Variants in CDV3 observed in about 807,000 individuals in gnomAD.
The protein encoded by CDV3 is CDV3 homolog, also known as protein CDV3 homolog.
Under a neutral mutation model 24.5 loss-of-function variants are expected in CDV3, and 14 were observed. The ratio of observed to expected loss-of-function variants is 0.57; its 90% confidence interval spans 0.38 to 0.89. The LOEUF (loss-of-function observed/expected upper bound fraction) is 0.89, where lower values mean the gene tolerates loss of function less well. CDV3 is among the 40% of genes least tolerant of loss of function. The pLI is 0.00. For synonymous variants in CDV3, 114 were observed against 114.1 expected (o/e 1.00, Z 0.00); for missense variants, 304 against 310.2 (o/e 0.98, Z 0.15).
chr3:133,586,780 G>C (rs1576660018), intron 4 of CDV3, 58 bp downstream of exon 4: 2 of 1,036,206 alleles, frequency 1.9e-6, no homozygotes. Flanking sequence ...GCCAGGGAGT[G>C]GGATATAGGG....
chr3:133,580,460 T>G (rs932223820), intron 2 of CDV3, among the ~76,000 whole-genome samples: 2 of 152,236 alleles, frequency 1.3e-5, no homozygotes, highest in Non-Finnish European at 2.9e-5. Context: ...CTCAGTACTC[T>G]GGGAGGCTGA....
intron 2 of CDV3, among the ~76,000 whole-genome samples, chr3:133,576,295 C>G (rs1229787206): frequency 1.3e-5 from 2 of 152,194 alleles, no homozygotes; most frequent in Admixed American, 1.3e-4. Context: ...AGTGATTAGA[C>G]TTGAGTTTGA....
Position 133,575,134 on chromosome 3 carries a change from T to C in CDV3, c.317+19T>C. On this transcript the variant is annotated intron_variant, in intron 2 of 4. Transcript: ENST00000264993. Reference sequence around the variant, plus strand: ...AAATAAGGTATAGTCTGGTTACAAATGTGTTTAGATAACCTTTGGGATAGA... The same window carrying C: ...AAATAAGGTATAGTCTGGTTACAAACGTGTTTAGATAACCTTTGGGATAGA... The C allele has an allele frequency of 7.4e-7, 1 of 1,342,452 alleles. No individual in the cohort carries two copies. The highest frequency in any genetic ancestry group is 1.1e-6 in the Non-Finnish European group (1 of 933,534). 83.2% of individuals were successfully genotyped at this position (1,342,452 alleles called of 1,614,324 possible).
chr3:133,578,095 T>A (rs1383303713), intron 2 of CDV3, among the ~76,000 whole-genome samples: 1 of 152,162 alleles, frequency 6.6e-6, no homozygotes, highest in Non-Finnish European at 1.5e-5. Context: ...GCTCAAGTGA[T>A]CCTCCCACCT....
intron 2 of CDV3, among the ~76,000 whole-genome samples, chr3:133,579,558 C>A (rs1199945234): frequency 6.6e-6 from 1 of 151,880 alleles, no homozygotes; most frequent in Non-Finnish European, 1.5e-5. Context: ...GCTTCAATTC[C>A]TTCAATTGTT....
At chr3:133,585,500 CT>C (rs749889546) in intron 3 of CDV3, among the ~76,000 whole-genome samples, 20 of 136,764 alleles carry the variant, frequency 1.5e-4, no homozygotes, top group Non-Finnish European at 9.4e-5. Context: ...TTTTCTTTTT[CT>C]TTTTTTTTTT....
chr3:133,576,864 T>TTTTTTTTTTTTTTTA (rs869170539), intron 2 of CDV3, among the ~76,000 whole-genome samples: 3 of 139,966 alleles, frequency 2.1e-5, no homozygotes, highest in Non-Finnish European at 3.1e-5. Context: ...TTTTTTTTTT[T>TTTTTTTTTTTTTTTA]GAGACGAAGT....
chr3:133,574,471 C>T (rs2074724011), intron 1 of CDV3, 187 bp downstream of exon 1: 1 of 986,476 alleles, frequency 1.0e-6, no homozygotes, highest in Non-Finnish European at 1.2e-6. Flanking sequence ...CTTCCGATAT[C>T]CGCGGTGGAG....
Position 133,588,527 on chromosome 3 carries a change from G to A in CDV3, c.*481G>A, listed in dbSNP as rs2107748892. The stretch of plus-strand genomic sequence containing the variant: ...CCTGCATAAAAAGTCAGCCATCTGG[G>A]TTCTGATCTGCTGTAAAAGATGAAG... On this transcript the variant is annotated 3_prime_UTR_variant, in exon 5 of 5. Transcript: ENST00000264993. The A allele has an allele frequency of 7.1e-6, 5 of 702,664 alleles. No homozygotes were observed. Among genetic ancestry groups the A allele is most frequent in the East Asian group, 2.7e-5 (1 of 37,010 alleles). The allele number at this position is 702,664 out of a possible 1,614,324, so 43.5% of individuals were successfully genotyped here. A position where few individuals can be genotyped will look rare whatever the true frequency, so the allele number is the denominator to read the frequency against.
At chr3:133,587,018 T>G in intron 4 of CDV3, 1 of 494,934 alleles carries the variant, frequency 2.0e-6, no homozygotes, top group South Asian at 5.4e-5. Context: ...TAAAATTCTT[T>G]TATAATTAAG....
chr3:133,584,937 T>G (rs571025619), intron 3 of CDV3, among the ~76,000 whole-genome samples: 27 of 152,330 alleles, frequency 1.8e-4, no homozygotes, highest in African/African-American at 6.0e-4. Flanking sequence ...AATGAAAGTT[T>G]AAGAGCACTA....
chr3:133,574,857 A>G (rs2074742801), intron 1 of CDV3, 182 bp from the exon 2 acceptor site: 5 of 734,706 alleles, frequency 6.8e-6, no homozygotes, highest in Admixed American at 3.6e-5. Flanking sequence ...GTGTTAGCCT[A>G]CGAGCATGTT....
In CDV3 at chr3:133,573,903, G is replaced by C. The variant is rs561646187; in HGVS notation, c.-142G>C. 1.9e-5 allele frequency: 10 copies of C among 540,054 alleles called. No individual in the cohort carries two copies. Among genetic ancestry groups the C allele is most frequent in the Non-Finnish European group, 2.4e-5 (10 of 423,380 alleles). The allele number at this position is 540,054 out of a possible 1,614,324, so 33.5% of individuals were successfully genotyped here. ...CAGGGGGAGCCGCCCGTCTCGCCGC[G>C]CACGCCTCGGCGACCCCGCGGGGCT... On this transcript the variant is annotated 5_prime_UTR_variant, in exon 1 of 5. Transcript: ENST00000264993.
At chr3:133,587,318 C>G (rs375680905) in intron 4 of CDV3, 2 of 1,255,150 alleles carry the variant, frequency 1.6e-6, no homozygotes, top group East Asian at 6.3e-5. Flanking sequence ...TAGAATAAAT[C>G]CCAGCCTTTT....
intron 2 of CDV3, among the ~76,000 whole-genome samples, chr3:133,575,490 A>T (rs2074770527): frequency 6.6e-6 from 1 of 152,224 alleles, no homozygotes; most frequent in Non-Finnish European, 1.5e-5. Flanking sequence ...TAAGCAAGTG[A>T]ATATATGTTT....
At chr3:133,574,365 C>T (rs909524673) in intron 1 of CDV3, 81 bp downstream of exon 1, 2 of 917,556 alleles carry the variant, frequency 2.2e-6, no homozygotes, top group Non-Finnish European at 2.6e-6. Flanking sequence ...GCCGGGGAAG[C>T]GTCCGGGAGG....
chr3:133,574,043 C>A lies in CDV3; in HGVS notation c.-2C>A. The stretch of plus-strand genomic sequence containing the variant: ...CCCATCCGGGTCGAGGAGGCCGAGG[C>A]CATGGCTGAGACGGAGGAGCGGAGC... On this transcript the variant is annotated 5_prime_UTR_variant, in exon 1 of 5. Coordinates refer to ENST00000264993, the MANE Select transcript of CDV3 (RefSeq NM_017548.5). 1.7e-6 allele frequency: 2 copies of A among 1,193,148 alleles called. No individual in the cohort carries two copies. Among genetic ancestry groups the A allele is most frequent in the Non-Finnish European group, 2.1e-6 (2 of 940,312 alleles). The allele number at this position is 1,193,148 out of a possible 1,614,324, so 73.9% of individuals were successfully genotyped here.
chr3:133,575,187 G>T (rs1310978336), intron 2 of CDV3, 72 bp downstream of exon 2: 12 of 845,488 alleles, frequency 1.4e-5, no homozygotes, highest in Non-Finnish European at 2.4e-5. Context: ...GTTTTCCTTT[G>T]GCCCCAAAGC....
intron 3 of CDV3, among the ~76,000 whole-genome samples, chr3:133,585,260 C>G (rs914740608): frequency 1.3e-5 from 2 of 152,098 alleles, no homozygotes; most frequent in Non-Finnish European, 2.9e-5. Flanking sequence ...GGCTAGTCTT[C>G]AACTCCTGGG....
Sources: gnomAD v4.1 joint callset for allele counts (sites outside exome capture counted in the v4.1 genomes callset) on GRCh38, gnomAD v4.1.1 for gene constraint, MANE v1.5 for transcripts, NCBI Gene and HGNC (gene_info 2026-07-23, HGNC 2026-07-21) for gene names.